Variants in NXF3 observed in about 807,000 individuals in gnomAD.
The protein encoded by NXF3 is TAP-like protein 3.
Under a neutral mutation model 48.4 loss-of-function variants are expected in NXF3, and 34 were observed. The ratio of observed to expected loss-of-function variants is 0.70; its 90% CI spans 0.53 to 0.93. NXF3 has a LOEUF of 0.93. Among genes scored for constraint, NXF3 ranks in the 40% least tolerant of loss-of-function variants. The pLI is 0.00. For missense variants in NXF3, 359 were observed against 406.1 expected (o/e 0.88, Z 1.00); for synonymous variants, 132 against 145.7 (o/e 0.91, Z 0.68).
In NXF3 at chrX:103,092,800, C is replaced by T. The variant is rs149076787; in HGVS notation, c.28+196G>A. On this transcript the variant is annotated intron_variant, in intron 1 of 19. Coordinates refer to ENST00000395065, the MANE Select transcript of NXF3 (RefSeq NM_022052.2). The stretch of plus-strand genomic sequence containing the variant: ...TGTTAATTTTTACCAACCCCTGCCT[C>T]AGGTGACCCTCCTCATACCTCAAAC... 2.1e-3 allele frequency among the ~76,000 whole-genome samples: 233 copies of T among 112,707 alleles called. 2 individuals are homozygous for T. In the East Asian group the frequency reaches 0.023, roughly 11 times the overall value.
chrX:103,079,557 G>A, intron 14 of NXF3, 27 bp downstream of exon 14: 1 of 1,203,162 alleles, frequency 8.3e-7, no homozygotes, highest in Non-Finnish European at 1.1e-6. Context: ...CCCTTACCCT[G>A]CCCAGACTTC....
At chrX:103,087,767 T>C (rs1464766247) in intron 1 of NXF3, 3 of 941,150 alleles carry the variant, frequency 3.2e-6, no homozygotes, top group African/African-American at 1.9e-5. Flanking sequence ...TAAATGTCTC[T>C]CGTGTAGTAA....
chrX:103,083,198 T>C lies in NXF3; in HGVS notation c.616A>G (p.Ile206Val), dbSNP rs1451441750. The C allele has an allele frequency of 8.3e-7, 1 of 1,211,076 alleles. No individual in the cohort carries two copies. Among genetic ancestry groups the C allele is most frequent in the Non-Finnish European group, 1.1e-6 (1 of 895,099 alleles). ...TTGCCATGAGTCTGTGTTACCTTTA[T>C]CTGCTCCACCTTTTCTGACTTCAGC... is the stretch of plus-strand genomic sequence containing the variant. ...RELKSEKVEQ[I>V]KLAMNQQCDV... Residue 206 changes from isoleucine to valine, a missense_variant, in exon 6 of 20, where the codon ATA (isoleucine) becomes GTA (valine). By Grantham distance (29) the Ile-to-Val change is conservative. Coordinates refer to ENST00000395065, the MANE Select transcript of NXF3 (RefSeq NM_022052.2).
chrX:103,076,133 C>G (rs112014319), intron 19 of NXF3, 108 bp downstream of exon 19: 7 of 556,253 alleles, frequency 1.3e-5, no homozygotes, highest in Non-Finnish European at 2.2e-5. Flanking sequence ...TGCCCTTGGC[C>G]GAGAGGAAGT....
chrX:103,082,967 G>C (rs773979614), intron 7 of NXF3, 37 bp downstream of exon 7: 6 of 1,170,170 alleles, frequency 5.1e-6, no homozygotes, highest in Non-Finnish European at 7.0e-6. Flanking sequence ...AGACACCTCT[G>C]CCCTCATCTA....
chrX:103,081,532 A>T (rs1922010906), intron 9 of NXF3: 1 of 112,828 alleles, frequency 8.9e-6, no homozygotes, highest in Non-Finnish European at 1.9e-5. Flanking sequence ...CCCAGGCAGG[A>T]TGATGTGAGG....
chrX:103,088,447 T>C, intron 1 of NXF3: 1 of 822,338 alleles, frequency 1.2e-6, no homozygotes, highest in Non-Finnish European at 1.8e-6. Context: ...AACCAAAATG[T>C]GGGAAAAAAA....
intron 2 of NXF3, 107 bp downstream of exon 2, chrX:103,084,608 C>A: frequency 8.9e-7 from 1 of 1,122,599 alleles, no homozygotes; most frequent in Non-Finnish European, 1.2e-6. Context: ...TAATCGAGTT[C>A]TGTCATTCCT....
chrX:103,088,135 C>T, intron 1 of NXF3: 2 of 984,576 alleles, frequency 2.0e-6, no homozygotes, highest in South Asian at 4.1e-5. Context: ...ATGTGTTTTC[C>T]TGCTAGAGGT....
chrX:103,084,122 T>C (rs1169936873), intron 3 of NXF3, among the ~76,000 whole-genome samples: 1 of 111,102 alleles, frequency 9.0e-6, no homozygotes, highest in Admixed American at 9.6e-5. Context: ...CCTCCTTTGA[T>C]TGTAAACGAC....
At chrX:103,087,156 G>C (rs1922176823) in intron 1 of NXF3, 3 of 534,877 alleles carry the variant, frequency 5.6e-6, no homozygotes, top group Non-Finnish European at 9.2e-6. Flanking sequence ...CACTGGTGTA[G>C]GAACGCTATG....
Position 103,079,739 on chromosome X carries a change from C to G in NXF3, c.1160+24G>C, listed in dbSNP as rs750512071. 7.5e-6 allele frequency: 9 copies of G among 1,199,861 alleles called. No individual in the cohort carries two copies. The Admixed American group carries it at 2.0e-4, about 26-fold the overall frequency. ...GCAGGGGAGTCACATGGCCCTGGAC[C>G]AGGGTCGGAGCTGTGATACTCACGG... On this transcript the variant is annotated intron_variant, in intron 13 of 19. Transcript: ENST00000395065.
At chrX:103,087,400 C>A in intron 1 of NXF3, 2 of 1,158,669 alleles carry the variant, frequency 1.7e-6, no homozygotes, top group South Asian at 3.6e-5. Flanking sequence ...ACAACTAGTT[C>A]ATCTGGAGAG....
intron 9 of NXF3, 26 bp from the exon 10 acceptor site, chrX:103,080,638 C>T (rs1254801500): frequency 8.3e-7 from 1 of 1,201,336 alleles, no homozygotes; most frequent in East Asian, 3.0e-5. Flanking sequence ...ACAAAATGGA[C>T]AACGGTAAGT....
intron 3 of NXF3, 138 bp from the exon 4 acceptor site, chrX:103,083,830 T>G: frequency 2.3e-6 from 1 of 437,634 alleles, no homozygotes; most frequent in Non-Finnish European, 4.0e-6. Flanking sequence ...CTAACTTATG[T>G]ATTTCATTAT....
Position 103,093,008 on chromosome X carries a change from C to T in NXF3, c.16G>A (p.Gly6Arg). 8.3e-7 allele frequency: 1 copy of T among 1,210,030 alleles called. No individual in the cohort carries two copies. Among genetic ancestry groups the T allele is most frequent in the African/African-American group, 1.7e-5 (1 of 57,870 alleles). The part of the protein sequence containing the change: MSLPS[G>R]HTTGHTDQVV... ...CTGGCCAACTCACCCGTAGTGTGTC[C>T]TGAAGGCAGTGACATTTTACCAATG... Residue 6 changes from glycine (G) to arginine (R), a missense_variant, in exon 1 of 20, where the codon GGA becomes AGA. Gly to Arg is a moderately radical substitution (Grantham distance 125). Coordinates refer to ENST00000395065, the MANE Select transcript of NXF3 (RefSeq NM_022052.2).
intron 1 of NXF3, 137 bp from the exon 2 acceptor site, chrX:103,085,020 A>G: frequency 1.8e-6 from 1 of 568,213 alleles, no homozygotes; most frequent in South Asian, 3.0e-5. Context: ...ACTGTAGTGC[A>G]GTGGCATGAT....
intron 13 of NXF3, 48 bp from the exon 14 acceptor site, chrX:103,079,690 A>T (rs1921960889): frequency 8.4e-7 from 1 of 1,186,931 alleles, no homozygotes; most frequent in South Asian, 1.8e-5. Flanking sequence ...CAGTGCAGGC[A>T]TCTCCAGGAG....
At chrX:103,080,672 A>G in intron 9 of NXF3, 60 bp from the exon 10 acceptor site, 1 of 1,072,581 alleles carries the variant, frequency 9.3e-7, no homozygotes, top group South Asian at 1.9e-5. Context: ...TGTCCTCCTC[A>G]TGGGAGCAAT....
Sources: gnomAD v4.1 joint callset for allele counts (sites outside exome capture counted in the v4.1 genomes callset) on GRCh38, gnomAD v4.1.1 for gene constraint, MANE v1.5 for transcripts, NCBI Gene and HGNC (gene_info 2026-07-23, HGNC 2026-07-21) for gene names.